The following RGS12 variants were observed in gnomAD, a reference collection of about 807,000 sequenced individuals.
RGS12 encodes the protein regulator of G-protein signaling 12.
In RGS12, 66 loss-of-function variants were observed where a neutral mutation model predicts 120.1. The observed-to-expected ratio is 0.55, with a 90% confidence interval of 0.45 to 0.67. The LOEUF is 0.67. Ranked by LOEUF, RGS12 falls within the 30% of genes least tolerant of loss-of-function variation. RGS12 has a pLI of 0.00. For synonymous variants in RGS12, 827 were observed against 804.7 expected, an observed-to-expected ratio of 1.03 and a Z score of -0.47; for missense variants, 1,859 against 1,957.7, an observed-to-expected ratio of 0.95 and a Z score of 0.95.
rs146679263 is a variant in RGS12, at chr4:3,414,854, C to T, written c.2283+10C>T. The stretch of plus-strand genomic sequence containing the variant: ...ACATGACAAAAAGGAGGTAAGTCCA[C>T]GCTTGGGAAGTGGGGGCTGTGTGAG... On this transcript the variant is annotated intron_variant, in intron 6 of 17. Coordinates refer to ENST00000336727, the MANE Select transcript of RGS12 (RefSeq NM_001394154.1). 10 of 1,600,070 alleles carry T rather than the reference C, an allele frequency of 6.2e-6. No homozygotes were observed. The highest frequency in any genetic ancestry group is 4.0e-5 in the African/African-American group (3 of 74,686).
At chr4:3,411,870 G>A (rs756243528) in intron 4 of RGS12, among the ~76,000 whole-genome samples, 1 of 152,266 alleles carries the variant, frequency 6.6e-6, no homozygotes, top group Non-Finnish European at 1.5e-5. Flanking sequence ...CCTGTCCTGC[G>A]TGTGAGCGCT....
At chr4:3,436,423 G>T (rs768451802) in intron 17 of RGS12, among the ~76,000 whole-genome samples, 6 of 152,210 alleles carry the variant, frequency 3.9e-5, no homozygotes, top group Non-Finnish European at 8.8e-5. Flanking sequence ...AGGTGGCTGC[G>T]CTTGGCAGCA....
At chr4:3,351,265 G>A (rs1437808017) in intron 3 of RGS12, among the ~76,000 whole-genome samples, 1 of 151,812 alleles carries the variant, frequency 6.6e-6, no homozygotes, top group African/African-American at 2.4e-5. Flanking sequence ...CTTTTTGTTT[G>A]TTTGCTTTTT....
intron 4 of RGS12, among the ~76,000 whole-genome samples, chr4:3,402,507 C>T (rs1174573348): frequency 6.6e-5 from 10 of 152,176 alleles, no homozygotes; most frequent in African/African-American, 2.4e-4. Flanking sequence ...AAGCACAGGT[C>T]CCCAGGACTG....
At position 3,404,064 on chromosome 4, in the gene RGS12, G is replaced by A. The variant is rs575892848; in HGVS notation, c.2021-10008G>A. The stretch of plus-strand genomic sequence containing the variant: ...ATTCTAAATTAAACCTGGCCTTCCA[G>A]GTTGTTGGAGGGTAGCGAGATGGCA... On this transcript the variant is annotated intron_variant, in intron 4 of 17. Transcript: ENST00000336727. 5.3e-5 allele frequency among the ~76,000 whole-genome samples: 8 copies of A among 152,342 alleles called. No individual in the cohort carries two copies. The South Asian group carries it at 1.2e-3, about 24-fold the overall frequency.
At position 3,390,253 on chromosome 4, in the gene RGS12, C is replaced by T. The variant is rs971775154; in HGVS notation, c.2020+3816C>T. On this transcript the variant is annotated intron_variant, in intron 4 of 17. Transcript: ENST00000336727. This position sits in a 1 kb window ranked among gnomAD's most constrained non-coding sequence, Gnocchi z 4.6. Reference sequence around the variant, plus strand: ...CGATGGCCACTGTCAATTTCCTGCCCGTGCTAGGGGCAGCTTCCATCATTT... The same window carrying T: ...CGATGGCCACTGTCAATTTCCTGCCTGTGCTAGGGGCAGCTTCCATCATTT... 2.0e-5 allele frequency among the ~76,000 whole-genome samples: 3 copies of T among 152,176 alleles called. No homozygotes were observed. Among genetic ancestry groups the T allele is most frequent in the Non-Finnish European group, 2.9e-5 (2 of 68,030 alleles).
intron 15 of RGS12, 147 bp downstream of exon 15, chr4:3,428,316 C>T (rs745558512): frequency 1.5e-5 from 13 of 859,234 alleles, no homozygotes; most frequent in Non-Finnish European, 2.5e-5. Context: ...CTCGTCCCTG[C>T]CGATGCCCAG....
chr4:3,298,666 GT>G (rs1428196863), intron 1 of RGS12, among the ~76,000 whole-genome samples: 1 of 152,218 alleles, frequency 6.6e-6, no homozygotes, highest in Non-Finnish European at 1.5e-5. Flanking sequence ...GCTTCCAGCA[GT>G]TTGATTGTGA....
At chr4:3,349,072 C>T (rs1451699358) in intron 3 of RGS12, among the ~76,000 whole-genome samples, 1 of 152,196 alleles carries the variant, frequency 6.6e-6, no homozygotes, top group Admixed American at 6.5e-5. Flanking sequence ...TTACTAATAG[C>T]CGATCAATAC....
At position 3,389,317 on chromosome 4, in the gene RGS12, G is replaced by A. The variant is rs1014821654; in HGVS notation, c.2020+2880G>A. Among the ~76,000 whole-genome samples the A allele has an allele frequency of 1.3e-5, 2 of 152,180 alleles. No homozygotes were observed. The highest frequency in any genetic ancestry group is 4.8e-5 in the African/African-American group (2 of 41,440). The stretch of plus-strand genomic sequence containing the variant: ...GGGCACGGCAGGGCTGTGGGTGGGG[G>A]CAGGGAGCAGATTCCAGCTGGAGAG... On this transcript the variant is annotated intron_variant, in intron 4 of 17. Coordinates refer to ENST00000336727, the MANE Select transcript of RGS12 (RefSeq NM_001394154.1). This position sits in a 1 kb window ranked among gnomAD's most constrained non-coding sequence, Gnocchi z 5.2.
chr4:3,344,227 C>G (rs962427301), intron 3 of RGS12, among the ~76,000 whole-genome samples: 4 of 152,042 alleles, frequency 2.6e-5, no homozygotes, highest in African/African-American at 9.7e-5. Flanking sequence ...AGGAATCTGC[C>G]CTTGGATGGC....
chr4:3,419,582 C>T (rs4690095), intron 9 of RGS12: 55,365 of 151,784 alleles, frequency 0.36, 10,931 homozygotes, highest in East Asian at 0.51. Context: ...GGCGGTGGGG[C>T]GAGGTGTGAG....
chr4:3,333,610 G>A (rs1204153844), intron 2 of RGS12, among the ~76,000 whole-genome samples: 1 of 152,204 alleles, frequency 6.6e-6, no homozygotes, highest in Non-Finnish European at 1.5e-5. Context: ...CCTTCCACGT[G>A]GATCAGCAGT....
At chr4:3,334,231 A>C (rs1712198554) in intron 2 of RGS12, among the ~76,000 whole-genome samples, 1 of 152,178 alleles carries the variant, frequency 6.6e-6, no homozygotes, top group South Asian at 2.1e-4. Flanking sequence ...CTACTTGTTA[A>C]TATTTGTTTT....
At chr4:3,415,950 C>T (rs377542444) in intron 6 of RGS12, 28 bp from the exon 7 acceptor site, 52 of 1,585,944 alleles carry the variant, frequency 3.3e-5, no homozygotes, top group East Asian at 3.0e-4. Context: ...GAAGCCTTGC[C>T]GGGCTGCTCA....
chr4:3,435,348 T>A (rs1000175230), intron 17 of RGS12, among the ~76,000 whole-genome samples: 1 of 152,038 alleles, frequency 6.6e-6, no homozygotes, highest in Non-Finnish European at 1.5e-5. Context: ...AGAGGCCTCC[T>A]CGGCAGCTCC....
rs566917043 is a variant in RGS12, at chr4:3,371,240, C to G, written c.1999-15176C>G. Among the ~76,000 whole-genome samples the G allele has an allele frequency of 3.9e-5, 6 of 152,268 alleles. No individual in the cohort carries two copies. In the East Asian group the frequency reaches 9.7e-4, roughly 25 times the overall value. On this transcript the variant is annotated intron_variant, in intron 3 of 17. Coordinates refer to ENST00000336727, the MANE Select transcript of RGS12 (RefSeq NM_001394154.1). ...TTGGAAGGTGAAGCTGCGTGAGGCT[C>G]GGGGAGCAGCTCTGGTCTTCTTTGG...
At chr4:3,329,400 G>A (rs973141850) in intron 2 of RGS12, among the ~76,000 whole-genome samples, 3 of 152,168 alleles carry the variant, frequency 2.0e-5, no homozygotes, top group Non-Finnish European at 4.4e-5. Flanking sequence ...GGCTCCTGGG[G>A]GTCACAGAGC....
intron 15 of RGS12, 23 bp downstream of exon 15, chr4:3,428,192 C>G (rs1360456256): frequency 1.0e-5 from 16 of 1,602,786 alleles, no homozygotes; most frequent in Non-Finnish European, 1.4e-5. Flanking sequence ...CCTGGCCCAC[C>G]CTGTGCCCTG....
Sources: allele counts gnomAD v4.1 joint callset (sites outside exome capture counted in the v4.1 genomes callset), GRCh38; gene constraint gnomAD v4.1.1; non-coding constraint Gnocchi (gnomAD v3.1); transcripts MANE v1.5; gene names NCBI Gene and HGNC (gene_info 2026-07-23, HGNC 2026-07-21).